SPAG17: variants seen among roughly 807,000 people sequenced by gnomAD.
The protein encoded by SPAG17 is sperm associated antigen 17.
Under a neutral mutation model 273.6 loss-of-function variants are expected in SPAG17, and 169 were observed. The observed-to-expected ratio is 0.62, with a 90% CI of 0.55 to 0.70. SPAG17 has a LOEUF of 0.70. SPAG17 is among the 30% of genes least tolerant of loss of function. The probability of loss-of-function intolerance (pLI) is 0.00; values close to 1 mark genes in which losing one functional copy is unlikely to be tolerated. For missense variants in SPAG17, 2,557 were observed against 2,627.8 expected (o/e 0.97, Z 0.59); for synonymous variants, 825 against 873.2 (o/e 0.94, Z 0.97).
At position 118,040,715 on chromosome 1, in the gene SPAG17, G is replaced by A. The variant is rs1300208510; in HGVS notation, c.3166+15C>T. 7 of 1,493,324 alleles carry A rather than the reference G, an allele frequency of 4.7e-6. No homozygotes were observed. The South Asian group carries it at 6.8e-5, about 14-fold the overall frequency. 92.5% of individuals were successfully genotyped at this position (1,493,324 alleles called of 1,614,324 possible). ...TTATGTTTCCAATCATTAACCAGTTGCTTTCAAAATGTACCTTTTTCAAAC... is the reference window on the plus strand; with the variant it reads ...TTATGTTTCCAATCATTAACCAGTTACTTTCAAAATGTACCTTTTTCAAAC... On this transcript the variant is annotated intron_variant, in intron 22 of 48. Coordinates refer to ENST00000336338, the MANE Select transcript of SPAG17 (RefSeq NM_206996.4).
intron 39 of SPAG17, 60 bp from the exon 40 acceptor site, chr1:117,987,941 A>AGG: frequency 6.3e-7 from 1 of 1,582,844 alleles, no homozygotes; most frequent in Non-Finnish European, 8.7e-7. Context: ...TTAAAAACAA[A>AGG]ACCAAAAACC....
intron 48 of SPAG17, chr1:117,958,992 A>G (rs1357358255): frequency 6.2e-7 from 1 of 1,613,980 alleles, no homozygotes; most frequent in Non-Finnish European, 8.5e-7. Flanking sequence ...TTCAAAAGTC[A>G]GCCAAGTCCG....
At chr1:117,975,936 G>A (rs939119168) in intron 43 of SPAG17, among the ~76,000 whole-genome samples, 3 of 152,154 alleles carry the variant, frequency 2.0e-5, no homozygotes, top group African/African-American at 7.2e-5. Context: ...TTTATCATGA[G>A]CTGGACACTG....
At chr1:118,048,018 A>G (rs780759489) in intron 20 of SPAG17, among the ~76,000 whole-genome samples, 48 of 152,104 alleles carry the variant, frequency 3.2e-4, no homozygotes, top group Non-Finnish European at 5.4e-4. Context: ...ACCTCTGCAG[A>G]GTCAGGTGCA....
chr1:118,174,685 C>A (rs148291759), intron 1 of SPAG17, among the ~76,000 whole-genome samples: 263 of 152,228 alleles, frequency 1.7e-3, no homozygotes, highest in African/African-American at 4.8e-3. Flanking sequence ...TTATCAAAAG[C>A]TAAAGACAGA....
At chr1:117,981,977 G>A (rs763713037) in intron 42 of SPAG17, among the ~76,000 whole-genome samples, 4 of 152,032 alleles carry the variant, frequency 2.6e-5, no homozygotes, top group Non-Finnish European at 5.9e-5. Context: ...AAAGACTTCC[G>A]CAGTCTCACT....
chr1:118,040,758 A>C lies in SPAG17; in HGVS notation c.3138T>G (p.Ile1046Met). 6.2e-7 allele frequency: 1 copy of C among 1,603,258 alleles called. No homozygotes were observed. Among genetic ancestry groups the C allele is most frequent in the Non-Finnish European group, 8.5e-7 (1 of 1,169,978 alleles). ...TTTCAAACATTGTCTTTTCCACTTC[A>C]ATCTGCCCCCCATCAGAAGGATACA... ...YYLYPSDGGQ[I>M]EVEKTMFEKG... The change falls in exon 22 of 49, where the codon ATT (isoleucine) becomes ATG (methionine). Residue 1046 changes from isoleucine (I) to methionine (M), a missense_variant. By Grantham distance (10) the Ile-to-Met change is conservative. Coordinates refer to ENST00000336338, the MANE Select transcript of SPAG17 (RefSeq NM_206996.4).
intron 15 of SPAG17, among the ~76,000 whole-genome samples, chr1:118,077,424 A>G (rs1390169123): frequency 6.6e-6 from 1 of 152,152 alleles, no homozygotes; most frequent in Non-Finnish European, 1.5e-5. Flanking sequence ...AGAATTTAGG[A>G]AGTTACTATT....
chr1:118,114,255 T>C (rs914006171), intron 4 of SPAG17, among the ~76,000 whole-genome samples: 2 of 152,170 alleles, frequency 1.3e-5, no homozygotes, highest in Non-Finnish European at 2.9e-5. Flanking sequence ...ATCAATTATG[T>C]TAATATGAAT....
rs771735607 is a variant in SPAG17, at chr1:118,101,719, C to T, written c.634+21G>A. ...GTGTTTCACTCGTGAAAGGCACCGC[C>T]GGCAGCAGCACCTTACTGACCAATG... On this transcript the variant is annotated intron_variant, in intron 5 of 48. Coordinates refer to ENST00000336338, the MANE Select transcript of SPAG17 (RefSeq NM_206996.4). 4.4e-6 allele frequency: 7 copies of T among 1,598,466 alleles called. No homozygotes were observed. The South Asian group carries it at 4.5e-5, about 10-fold the overall frequency.
intron 29 of SPAG17, among the ~76,000 whole-genome samples, chr1:118,013,078 A>G (rs1466810106): frequency 1.3e-5 from 2 of 152,060 alleles, no homozygotes; most frequent in East Asian, 1.9e-4. Flanking sequence ...CCTTTCACAT[A>G]TATGTCTCTA....
At chr1:118,046,086 C>T (rs1469057083) in intron 20 of SPAG17, among the ~76,000 whole-genome samples, 1 of 152,064 alleles carries the variant, frequency 6.6e-6, no homozygotes, top group Non-Finnish European at 1.5e-5. Context: ...GCCTGTAATT[C>T]CAGCACTTTG....
chr1:117,981,288 A>C lies in SPAG17; in HGVS notation c.5986T>G (p.Leu1996Val). ...GCCATACCTTCAGGAGATTTTGTTA[A>C]ATTTTCAGTTTGGTTCTGAGCAGTG... is the stretch of plus-strand genomic sequence containing the variant. ...DFTAQNQTEN[L>V]TKSPEEAESY... Residue 1996 changes from leucine (L) to valine (V), a missense_variant, in exon 43 of 49, where the codon TTA becomes GTA. Coordinates refer to ENST00000336338, the MANE Select transcript of SPAG17 (RefSeq NM_206996.4). The C allele has an allele frequency of 6.4e-7, 1 of 1,569,848 alleles. No homozygotes were observed. Among genetic ancestry groups the C allele is most frequent in the Non-Finnish European group, 8.6e-7 (1 of 1,167,816 alleles).
intron 26 of SPAG17, among the ~76,000 whole-genome samples, chr1:118,028,057 G>A (rs540350390): frequency 3.9e-5 from 6 of 152,160 alleles, no homozygotes; most frequent in Non-Finnish European, 8.8e-5. Flanking sequence ...TTTGTAAAAT[G>A]GAGTAGTTAG....
chr1:118,027,442 G>A (rs1647882117), intron 26 of SPAG17, among the ~76,000 whole-genome samples: 1 of 152,168 alleles, frequency 6.6e-6, no homozygotes, highest in Non-Finnish European at 1.5e-5. Flanking sequence ...TTATATAAAA[G>A]AGGATATTAA....
Position 117,992,545 on chromosome 1 carries a change from C to G in SPAG17, c.5282G>C (p.Ser1761Thr). The change falls in exon 36 of 49, where the codon AGT becomes ACT. Residue 1761 changes from serine to threonine, a missense_variant. Ser to Thr is a moderately conservative substitution (Grantham distance 58). Coordinates refer to ENST00000336338, the MANE Select transcript of SPAG17 (RefSeq NM_206996.4). The part of the protein sequence containing the change: ...SAPGAILKSP[S>T]VLQMRQFIQH... ...AATGAATTGGCGCATCTGTAGCACA[C>G]TGGGGCTCTTGAGTATGGCACCCGG... The G allele has an allele frequency of 3.1e-6, 5 of 1,613,838 alleles. No homozygotes were observed. Among genetic ancestry groups the G allele is most frequent in the Non-Finnish European group, 4.2e-6 (5 of 1,179,862 alleles).
chr1:118,105,140 G>A (rs1656309972), intron 4 of SPAG17, among the ~76,000 whole-genome samples: 1 of 152,174 alleles, frequency 6.6e-6, no homozygotes, highest in Admixed American at 6.5e-5. Flanking sequence ...GCCAGAAACA[G>A]AGACATCTTG....
intron 31 of SPAG17, among the ~76,000 whole-genome samples, chr1:118,007,670 A>G (rs1456910191): frequency 1.3e-5 from 2 of 152,290 alleles, no homozygotes; most frequent in East Asian, 3.9e-4. Flanking sequence ...GGAAGGATGG[A>G]TAATGAGAAT....
At chr1:118,107,892 T>C (rs1300710033) in intron 4 of SPAG17, among the ~76,000 whole-genome samples, 1 of 152,214 alleles carries the variant, frequency 6.6e-6, no homozygotes, top group Admixed American at 6.5e-5. Flanking sequence ...TAACTTGGTG[T>C]CCTGCATTTT....
Sources: allele counts gnomAD v4.1 joint callset (sites outside exome capture counted in the v4.1 genomes callset), GRCh38; gene constraint gnomAD v4.1.1; transcripts MANE v1.5; gene names NCBI Gene and HGNC (gene_info 2026-07-23, HGNC 2026-07-21).